The following ZYG11B variants were observed in gnomAD, a reference collection of about 807,000 sequenced individuals.
ZYG11B encodes the protein protein zyg-11 homolog B.
A neutral mutation model predicts 82.4 loss-of-function variants in ZYG11B; 36 were observed. The ratio of observed to expected loss-of-function variants is 0.44; its 90% CI spans 0.33 to 0.58. ZYG11B has a LOEUF of 0.58. ZYG11B is among the 20% of genes least tolerant of loss of function. The pLI is 0.02. For synonymous variants in ZYG11B, 303 were observed against 312.8 expected (o/e 0.97, Z 0.33); for missense variants, 552 against 895.6 (o/e 0.62, Z 4.90).
rs148687102 is a variant in ZYG11B, at chr1:52,771,360, G to C, written c.537G>C (p.Leu179=). The C allele has an allele frequency of 1.9e-6, 3 of 1,614,044 alleles. No individual in the cohort carries two copies. In the African/African-American group the frequency reaches 4.0e-5, roughly 22 times the overall value. The change falls in exon 3 of 14, where the codon CTG becomes CTC. Residue 179 remains leucine (L), a synonymous_variant. Transcript: ENST00000294353. This position sits in a 1 kb window ranked among gnomAD's most constrained non-coding sequence, Gnocchi z 5.4. ...ATGTTCTCTTTTACAATGAAGACCT[G>C]GCTGAAGTTGCCTCATTGCCAAGAT... The part of the protein sequence containing the change: ...ITNVLFYNED[L]AEVASLPRLE...
intron 10 of ZYG11B, among the ~76,000 whole-genome samples, chr1:52,812,807 A>G (rs138971137): frequency 6.3e-4 from 94 of 148,802 alleles, no homozygotes; most frequent in African/African-American, 2.3e-3. Context: ...GCTCACTGTA[A>G]CCTCTGCCTC....
chr1:52,821,106 A>T (rs1645279558), intron 13 of ZYG11B, among the ~76,000 whole-genome samples: 1 of 151,520 alleles, frequency 6.6e-6, no homozygotes, highest in African/African-American at 2.4e-5. Flanking sequence ...AAAAAAAAGC[A>T]TAGGAAATGC....
At chr1:52,819,246 A>G (rs886519395) in intron 13 of ZYG11B, among the ~76,000 whole-genome samples, 5 of 152,132 alleles carry the variant, frequency 3.3e-5, no homozygotes, top group African/African-American at 1.2e-4. Context: ...GGTCCTTCCT[A>G]CTACATTACC....
intron 12 of ZYG11B, among the ~76,000 whole-genome samples, chr1:52,815,758 C>T (rs143920868): frequency 0.062 from 9,400 of 152,102 alleles, 412 homozygotes; most frequent in Non-Finnish European, 0.088. Flanking sequence ...CGTGGTGAAA[C>T]CCCGTCTCTA....
At chr1:52,758,365 G>A (rs1644597737) in intron 2 of ZYG11B, among the ~76,000 whole-genome samples, 2 of 151,924 alleles carry the variant, frequency 1.3e-5, no homozygotes, top group South Asian at 2.1e-4. Context: ...ATGTATTTTC[G>A]TGGAATTTTC....
rs531392329 is a variant in ZYG11B at position 52,769,689 on chromosome 1, G to A, written c.197-1331G>A. On this transcript the variant is annotated intron_variant, in intron 2 of 13. Transcript: ENST00000294353. ...AATTAAGTCTGCAAAACTCATTAGA[G>A]AATAGTGCTCCCTTTTAAAAACACC... 1.1e-4 allele frequency among the ~76,000 whole-genome samples: 16 copies of A among 152,304 alleles called. No homozygotes were observed. The South Asian group carries it at 3.1e-3, about 30-fold the overall frequency.
chr1:52,819,186 C>T (rs573184809), intron 13 of ZYG11B, among the ~76,000 whole-genome samples: 1 of 152,312 alleles, frequency 6.6e-6, no homozygotes, highest in African/African-American at 2.4e-5. Context: ...TGGGATGTGA[C>T]CGAGAAAACT....
chr1:52,815,256 C>G (rs192709089), intron 12 of ZYG11B, among the ~76,000 whole-genome samples: 1 of 152,222 alleles, frequency 6.6e-6, no homozygotes, highest in Non-Finnish European at 1.5e-5. Context: ...AATCCCAACA[C>G]TTTGAGAGAC....
chr1:52,741,023 C>T (rs1056327680), intron 1 of ZYG11B, among the ~76,000 whole-genome samples: 1 of 150,222 alleles, frequency 6.7e-6, no homozygotes, highest in African/African-American at 2.4e-5. Context: ...TTTTGCTGGG[C>T]GGGGTGGCTC....
chr1:52,742,647 C>T (rs1039558968), intron 1 of ZYG11B, among the ~76,000 whole-genome samples: 2 of 151,900 alleles, frequency 1.3e-5, no homozygotes, highest in African/African-American at 4.8e-5. Flanking sequence ...TCGAGATCGT[C>T]CTGGCTAACA....
intron 7 of ZYG11B, 89 bp downstream of exon 7, chr1:52,796,480 A>G (rs1645007220): frequency 8.7e-7 from 1 of 1,146,246 alleles, no homozygotes. Flanking sequence ...TGCCAGAAAC[A>G]TTAGTAAATC....
intron 3 of ZYG11B, among the ~76,000 whole-genome samples, chr1:52,773,123 A>G (rs1382614982): frequency 6.6e-6 from 1 of 152,060 alleles, no homozygotes; most frequent in Non-Finnish European, 1.5e-5. Flanking sequence ...CTCATGCCTA[A>G]TGGTTTAAAT....
At position 52,772,681 on chromosome 1, in the gene ZYG11B, T is replaced by G. The variant is rs1342032759; in HGVS notation, c.951+907T>G. ...GCGATCAGGCAACGAAAGGCTTGTTTTTTTTTTTTCTTTTGAGACGGAGTC... is the reference window on the plus strand; with the variant it reads ...GCGATCAGGCAACGAAAGGCTTGTTGTTTTTTTTTCTTTTGAGACGGAGTC... On this transcript the variant is annotated intron_variant, in intron 3 of 13. Transcript: ENST00000294353. 47 of 746,348 alleles carry G rather than the reference T, an allele frequency of 6.3e-5. 1 individual carries two copies. The South Asian group carries it at 6.9e-4, about 11-fold the overall frequency. 46.2% of individuals were successfully genotyped at this position (746,348 alleles called of 1,614,324 possible).
In ZYG11B at chr1:52,823,656, C is replaced by T. The variant is rs1252110889; in HGVS notation, c.*2027C>T. 6.6e-6 allele frequency: 1 copy of T among 151,398 alleles called. No homozygotes were observed. The highest frequency in any genetic ancestry group is 2.4e-5 in the African/African-American group (1 of 40,986). The allele number at this position is 151,398 out of a possible 1,614,324, so 9.4% of individuals were successfully genotyped here. On this transcript the variant is annotated 3_prime_UTR_variant, in exon 14 of 14. Coordinates refer to ENST00000294353, the MANE Select transcript of ZYG11B (RefSeq NM_024646.3). The stretch of plus-strand genomic sequence containing the variant: ...TTTATCTAGTGTAGTTAAGGGAAAG[C>T]CTATTTAAGAAGTTTGGCTTCAAGT...
rs933293550 is a variant in ZYG11B, at chr1:52,726,476, T to G, written c.-178T>G. Reference sequence around the variant, plus strand: ...GCGGAGTCTGCGCTCTGGTTCGGGCTGCGGCTGCGGCTGCGGCTGCGGCTG... The same window carrying G: ...GCGGAGTCTGCGCTCTGGTTCGGGCGGCGGCTGCGGCTGCGGCTGCGGCTG... On this transcript the variant is annotated 5_prime_UTR_variant, in exon 1 of 14. Coordinates refer to ENST00000294353, the MANE Select transcript of ZYG11B (RefSeq NM_024646.3). The G allele has an allele frequency of 1.4e-5, 7 of 510,404 alleles. No individual in the cohort carries two copies. The highest frequency in any genetic ancestry group is 1.2e-4 in the African/African-American group (6 of 49,188). 31.6% of individuals were successfully genotyped at this position (510,404 alleles called of 1,614,324 possible).
intron 10 of ZYG11B, 98 bp downstream of exon 10, chr1:52,802,237 G>T: frequency 1.7e-6 from 2 of 1,144,466 alleles, no homozygotes; most frequent in Non-Finnish European, 2.5e-6. Context: ...CAGTATCATA[G>T]CCCCTTATCT....
chr1:52,817,775 G>GTA (rs1553264314), intron 13 of ZYG11B, among the ~76,000 whole-genome samples: 910 of 32,462 alleles, frequency 0.028, 38 homozygotes, highest in Middle Eastern at 0.048. Context: ...GTATATATAT[G>GTA]TGTATATATA....
intron 1 of ZYG11B, chr1:52,754,433 G>A (rs928717205): frequency 1.3e-5 from 2 of 152,172 alleles, no homozygotes; most frequent in African/African-American, 4.8e-5. Flanking sequence ...CCAGGCTGGA[G>A]TGCAATGGCG....
rs528713717 is a variant in ZYG11B at position 52,779,792 on chromosome 1, A to G, written c.952-61A>G. 8,444 of 1,597,774 alleles carry G rather than the reference A, an allele frequency of 5.3e-3. 31 individuals carry two copies. The highest frequency in any genetic ancestry group is 6.3e-3 in the Non-Finnish European group (7,441 of 1,171,864). ...GGCGTGAGCCACCGCGCCTGGCCAC[A>G]CATGATAATTAGATAGAGAAAGAGA... On this transcript the variant is annotated intron_variant, in intron 3 of 13. Coordinates refer to ENST00000294353, the MANE Select transcript of ZYG11B (RefSeq NM_024646.3).
Sources: allele counts gnomAD v4.1 joint callset (sites outside exome capture counted in the v4.1 genomes callset), GRCh38; gene constraint gnomAD v4.1.1; non-coding constraint Gnocchi (gnomAD v3.1); transcripts MANE v1.5; gene names NCBI Gene and HGNC (gene_info 2026-07-23, HGNC 2026-07-21).